The following SEL1L3 variants were observed in gnomAD, a reference collection of about 807,000 sequenced individuals.
SEL1L3 encodes the protein SEL1L family member 3, also known as protein sel-1 homolog 3.
Under a neutral mutation model 142.8 loss-of-function variants are expected in SEL1L3, and 76 were observed. The ratio of observed to expected loss-of-function variants is 0.53; its 90% CI spans 0.44 to 0.64. The LOEUF (loss-of-function observed/expected upper bound fraction) is 0.64, where lower values mean the gene tolerates loss of function less well. SEL1L3 is among the 30% of genes least tolerant of loss of function. The probability of loss-of-function intolerance (pLI) is 0.00; values close to 1 mark genes in which losing one functional copy is unlikely to be tolerated. For missense variants in SEL1L3, 1,262 were observed against 1,381.7 expected (o/e 0.91, Z 1.37); for synonymous variants, 504 against 519.6 (o/e 0.97, Z 0.41).
intron 1 of SEL1L3, chr4:25,861,848 A>C (rs1333979892): frequency 6.6e-6 from 1 of 152,194 alleles, no homozygotes; most frequent in Non-Finnish European, 1.5e-5. Flanking sequence ...AAGCCCTCAA[A>C]GGAACTGAGA....
chr4:25,715,085 C>G, the SEL1L3 span, among the ~76,000 whole-genome samples: 1 of 152,084 alleles, frequency 6.6e-6, no homozygotes, highest in Non-Finnish European at 1.5e-5. Flanking sequence ...AATAAAGTAG[C>G]AATAATTCGA....
chr4:25,812,771 G>C (rs897085728), intron 9 of SEL1L3, among the ~76,000 whole-genome samples: 5 of 150,240 alleles, frequency 3.3e-5, no homozygotes, highest in African/African-American at 9.8e-5. Context: ...CCAGCACTTT[G>C]GGAGGCTGAG....
At chr4:25,714,564 T>C in the SEL1L3 span, among the ~76,000 whole-genome samples, 6 of 148,966 alleles carry the variant, frequency 4.0e-5, no homozygotes, top group Admixed American at 1.4e-4. Context: ...TCTTTCTTTC[T>C]TTCCTTCTTT....
intron 2 of SEL1L3, among the ~76,000 whole-genome samples, chr4:25,840,436 C>T (rs1474252204): frequency 6.6e-6 from 1 of 151,936 alleles, no homozygotes; most frequent in East Asian, 1.9e-4. Context: ...CAACACTTGA[C>T]TTAACTTTCA....
At chr4:25,745,712 A>C (rs1479912609), downstream of SEL1L3, among the ~76,000 whole-genome samples, 7 of 152,196 alleles carry the variant, frequency 4.6e-5, no homozygotes, top group Non-Finnish European at 7.3e-5. Flanking sequence ...ACAACAAAGA[A>C]CCATCCAGCT....
rs375865164 is a variant in SEL1L3, at chr4:25,767,786, A to G, written c.2714T>C (p.Ile905Thr). 1.5e-5 allele frequency: 24 copies of G among 1,582,862 alleles called. No individual in the cohort carries two copies. The highest frequency in any genetic ancestry group is 2.1e-5 in the Non-Finnish European group (24 of 1,162,904). Residue 905 changes from isoleucine to threonine, a missense_variant, in exon 18 of 24, where the codon ATT (isoleucine) becomes ACT (threonine). By Grantham distance (89) the Ile-to-Thr change is moderately conservative (BLOSUM62 -1). This residue lies in a region of SEL1L3 where 435 missense variants were observed against 559.2 expected (regional missense o/e 0.78). Transcript: ENST00000399878. Reference protein sequence around the residue: ...LYYVLAAETGIEVSQTNLAHI... With the variant: ...LYYVLAAETGTEVSQTNLAHI... ...TGCTAAATTTGTCTGTGACACTTCA[A>G]TTCCAGTTTCTGCTGCTAAAACATA... is the stretch of plus-strand genomic sequence containing the variant.
intron 11 of SEL1L3, among the ~76,000 whole-genome samples, chr4:25,801,614 A>AT (rs1285761346): frequency 5.3e-5 from 8 of 152,074 alleles, no homozygotes; most frequent in Non-Finnish European, 1.0e-4. Context: ...TGAGTCACTG[A>AT]TTTTTTTGTC....
At chr4:25,778,324 G>T (rs1247390348) in intron 16 of SEL1L3, among the ~76,000 whole-genome samples, 4 of 152,148 alleles carry the variant, frequency 2.6e-5, no homozygotes, top group Non-Finnish European at 5.9e-5. Context: ...CACCAAGAAG[G>T]TTAAATTAAT....
intron 14 of SEL1L3, among the ~76,000 whole-genome samples, chr4:25,782,995 T>C (rs1441861303): frequency 6.6e-6 from 1 of 152,208 alleles, no homozygotes; most frequent in Non-Finnish European, 1.5e-5. Context: ...ATGAGAATCA[T>C]ATAACACTTT....
the SEL1L3 span, chr4:25,720,787 A>C: frequency 6.6e-6 from 1 of 152,228 alleles, no homozygotes; most frequent in Non-Finnish European, 1.5e-5. Context: ...TAAATACCTA[A>C]GGCAATTGTG....
Position 25,833,118 on chromosome 4 carries a change from G to GA in SEL1L3, c.983-9dup. ...TCTGAATATGCAAATAGCCTAAAAG[G>GA]AAAATTCGAGCACATGAAAATGAGC... On this transcript the variant is annotated splice_polypyrimidine_tract_variant and intron_variant, in intron 4 of 23. Coordinates refer to ENST00000399878, the MANE Select transcript of SEL1L3 (RefSeq NM_015187.5). The GA allele has an allele frequency of 2.0e-6, 3 of 1,508,592 alleles. No individual in the cohort carries two copies. Among genetic ancestry groups the GA allele is most frequent in the Non-Finnish European group, 2.8e-6 (3 of 1,084,588 alleles). 93.5% of individuals were successfully genotyped at this position (1,508,592 alleles called of 1,614,324 possible).
chr4:25,862,540 G>C (rs1227366924), intron 1 of SEL1L3, 135 bp downstream of exon 1: 1 of 430,382 alleles, frequency 2.3e-6, no homozygotes, highest in East Asian at 4.3e-5. Flanking sequence ...GGGAACGCCC[G>C]GGGCGCAGCG....
intron 20 of SEL1L3, among the ~76,000 whole-genome samples, chr4:25,762,707 G>T: frequency 6.6e-6 from 1 of 152,116 alleles, no homozygotes; most frequent in Non-Finnish European, 1.5e-5. Context: ...GTGGCCAGGT[G>T]CGGTGCTCAC....
At chr4:25,745,017 G>A (rs1338924521), downstream of SEL1L3, among the ~76,000 whole-genome samples, 4 of 149,778 alleles carry the variant, frequency 2.7e-5, no homozygotes, top group African/African-American at 1.0e-4. Flanking sequence ...TAGGGTTTTT[G>A]TTTGTTTGTT....
chr4:25,714,598 G>A, the SEL1L3 span, among the ~76,000 whole-genome samples: 2 of 131,598 alleles, frequency 1.5e-5, no homozygotes, highest in East Asian at 4.5e-4. Context: ...TTGAGACAGA[G>A]TCTTGCTCTC....
intron 11 of SEL1L3, among the ~76,000 whole-genome samples, chr4:25,793,234 T>C (rs1043197934): frequency 2.0e-5 from 3 of 152,156 alleles, no homozygotes; most frequent in Non-Finnish European, 4.4e-5. Context: ...TCGTGAGAAG[T>C]ACTCATGTAT....
chr4:25,783,888 A>G (rs1339197965), intron 14 of SEL1L3, among the ~76,000 whole-genome samples: 1 of 152,176 alleles, frequency 6.6e-6, no homozygotes, highest in African/African-American at 2.4e-5. Flanking sequence ...AATGGCATTA[A>G]TACCCATCCA....
At chr4:25,815,084 A>G (rs1560325093) in intron 9 of SEL1L3, among the ~76,000 whole-genome samples, 1 of 152,198 alleles carries the variant, frequency 6.6e-6, no homozygotes, top group Admixed American at 6.5e-5. Context: ...AGGGAAAGGC[A>G]GGGAGAAGAG....
At chr4:25,835,662 T>A (rs985546064) in intron 2 of SEL1L3, among the ~76,000 whole-genome samples, 1 of 152,236 alleles carries the variant, frequency 6.6e-6, no homozygotes, top group Admixed American at 6.5e-5. Context: ...TCATTTCACA[T>A]CTTGCCCTCT....
Sources: allele counts gnomAD v4.1 joint callset (sites outside exome capture counted in the v4.1 genomes callset), GRCh38; gene constraint gnomAD v4.1.1; regional missense constraint gnomAD v4.1.1; transcripts MANE v1.5; gene names NCBI Gene and HGNC (gene_info 2026-07-23, HGNC 2026-07-21).